NCAM1: variants seen among roughly 807,000 people sequenced by gnomAD.
NCAM1 encodes the protein neural cell adhesion molecule 1, also known as antigen recognized by monoclonal antibody 5.1H11.
In NCAM1, 14 loss-of-function variants were observed where a neutral mutation model predicts 109.8. The observed-to-expected ratio is 0.13, with a 90% confidence interval of 0.08 to 0.20. The LOEUF (loss-of-function observed/expected upper bound fraction) is 0.20. NCAM1 is among the 10% of genes least tolerant of loss of function. The probability of loss-of-function intolerance (pLI) is 1.00; values close to 1 mark genes in which losing one functional copy is unlikely to be tolerated. For synonymous variants in NCAM1, 418 were observed against 442.9 expected (o/e 0.94, Z 0.70); for missense variants, 774 against 1,109.9 (o/e 0.70, Z 4.30).
chr11:112,973,270 A>G (rs1293917202), intron 1 of NCAM1, among the ~76,000 whole-genome samples: 1 of 152,086 alleles, frequency 6.6e-6, no homozygotes, highest in African/African-American at 2.4e-5. Context: ...TTGAGTGTCC[A>G]TTCTGTTCAC....
In NCAM1 at chr11:113,276,122, C is replaced by T. The variant is rs1555126571; in HGVS notation, c.*735C>T. The T allele has an allele frequency of 6.6e-6, 1 of 152,544 alleles. No homozygotes were observed. Among genetic ancestry groups the T allele is most frequent in the East Asian group, 1.9e-4 (1 of 5,198 alleles). The allele number at this position is 152,544 out of a possible 1,614,324, so 9.4% of individuals were successfully genotyped here. On this transcript the variant is annotated 3_prime_UTR_variant, in exon 20 of 20. Coordinates refer to ENST00000316851, the MANE Select transcript of NCAM1 (RefSeq NM_181351.5). The stretch of plus-strand genomic sequence containing the variant: ...TTGTTTTCCAGTGTTTACAAGGTGA[C>T]AAATGTTTGACTTTGGTTGTGTTTA...
intron 1 of NCAM1, among the ~76,000 whole-genome samples, chr11:113,016,145 A>G (rs1952200568): frequency 6.6e-6 from 1 of 152,230 alleles, no homozygotes; most frequent in African/African-American, 2.4e-5. Flanking sequence ...TAGGAGGTTG[A>G]GTTCATGCAA....
intron 1 of NCAM1, among the ~76,000 whole-genome samples, chr11:113,097,465 T>G (rs1362693684): frequency 5.3e-5 from 8 of 151,724 alleles, no homozygotes; most frequent in Non-Finnish European, 1.0e-4. Flanking sequence ...TCATCTAACA[T>G]AGAGAGCTAT....
intron 1 of NCAM1, among the ~76,000 whole-genome samples, chr11:113,016,247 C>T (rs1375181950): frequency 6.6e-6 from 1 of 152,120 alleles, no homozygotes; most frequent in African/African-American, 2.4e-5. Context: ...CTCATGGCAG[C>T]CTTTTAGGAC....
chr11:113,232,739 G>T lies in NCAM1; in HGVS notation c.1447G>T (p.Asp483Tyr). The T allele has an allele frequency of 6.2e-7, 1 of 1,613,888 alleles. No individual in the cohort carries two copies. The highest frequency in any genetic ancestry group is 8.5e-7 in the Non-Finnish European group (1 of 1,179,780). The part of the protein sequence containing the change: ...YLEVTPDSEN[D>Y]FGNYNCTAVN... ...AAAGGTGACCCCAGACTCTGAGAAT[G>T]ATTTTGGGAACTACAACTGTACTGC... The change falls in exon 12 of 20, where the codon GAT becomes TAT. Residue 483 changes from aspartate (D) to tyrosine (Y), a missense_variant. Asp to Tyr is a radical substitution (Grantham distance 160). Around this residue, in one of 4 missense-constraint regions of NCAM1, gnomAD observed 523 missense variants for 784.2 expected, o/e 0.67. Coordinates refer to ENST00000316851, the MANE Select transcript of NCAM1 (RefSeq NM_181351.5).
intron 1 of NCAM1, among the ~76,000 whole-genome samples, chr11:112,966,718 T>A (rs1371005570): frequency 2.6e-5 from 4 of 152,266 alleles, no homozygotes; most frequent in Non-Finnish European, 5.9e-5. Flanking sequence ...CAGCTGCAGA[T>A]GCTCATTAGG....
intron 1 of NCAM1, among the ~76,000 whole-genome samples, chr11:113,174,215 T>C (rs527580469): frequency 6.6e-6 from 1 of 152,296 alleles, no homozygotes; most frequent in South Asian, 2.1e-4. Flanking sequence ...AAGACCCACA[T>C]AGGACTTAGT....
At chr11:113,191,879 A>G (rs1321049577) in intron 1 of NCAM1, among the ~76,000 whole-genome samples, 2 of 152,168 alleles carry the variant, frequency 1.3e-5, no homozygotes, top group Non-Finnish European at 2.9e-5. Flanking sequence ...AAGCCTTTGT[A>G]TCTTCAATAG....
At chr11:113,075,843 G>T (rs775074241) in intron 1 of NCAM1, among the ~76,000 whole-genome samples, 2 of 152,220 alleles carry the variant, frequency 1.3e-5, no homozygotes, top group Non-Finnish European at 2.9e-5. Context: ...AATCACTAAT[G>T]AAACAATGTC....
chr11:113,044,576 T>C (rs1459875279), intron 1 of NCAM1, among the ~76,000 whole-genome samples: 1 of 151,892 alleles, frequency 6.6e-6, no homozygotes, highest in Non-Finnish European at 1.5e-5. Flanking sequence ...TCCCAGGTAC[T>C]TGGGAGGCTG....
At position 113,092,496 on chromosome 11, in the gene NCAM1, T is replaced by C. The variant is rs377221942; in HGVS notation, c.53-109883T>C. Among the ~76,000 whole-genome samples the C allele has an allele frequency of 1.9e-3, 295 of 152,146 alleles. 4 individuals carry two copies. The South Asian group carries it at 0.059, about 31-fold the overall frequency. Reference sequence around the variant, plus strand: ...GTGGGGAAACTGAGTCACAGGGAGGTTAAATTATTTGCCCCTAGTTACACA... The same window carrying C: ...GTGGGGAAACTGAGTCACAGGGAGGCTAAATTATTTGCCCCTAGTTACACA... On this transcript the variant is annotated intron_variant, in intron 1 of 19. Coordinates refer to ENST00000316851, the MANE Select transcript of NCAM1 (RefSeq NM_181351.5).
At chr11:113,162,190 CA>C (rs1555104515) in intron 1 of NCAM1, among the ~76,000 whole-genome samples, 2 of 152,096 alleles carry the variant, frequency 1.3e-5, no homozygotes, top group African/African-American at 4.8e-5. Context: ...GGAACAAGGC[CA>C]GGGGCCTACT....
At chr11:113,163,141 C>T (rs1942659688) in intron 1 of NCAM1, among the ~76,000 whole-genome samples, 1 of 152,180 alleles carries the variant, frequency 6.6e-6, no homozygotes, top group Admixed American at 6.5e-5. Flanking sequence ...ACTCTGCTGA[C>T]CTCCTTCTGC....
chr11:113,035,288 T>C (rs1555078995), intron 1 of NCAM1, among the ~76,000 whole-genome samples: 1 of 152,210 alleles, frequency 6.6e-6, no homozygotes, highest in Non-Finnish European at 1.5e-5. Context: ...TTCAAGTTTA[T>C]ATGGACAACA....
chr11:113,074,285 T>G (rs535273974), intron 1 of NCAM1, among the ~76,000 whole-genome samples: 4 of 152,162 alleles, frequency 2.6e-5, no homozygotes, highest in Non-Finnish European at 5.9e-5. Flanking sequence ...GACAAGATAT[T>G]TTAACATGCA....
intron 1 of NCAM1, among the ~76,000 whole-genome samples, chr11:112,975,864 C>A (rs1555067618): frequency 6.6e-6 from 1 of 151,842 alleles, no homozygotes; most frequent in African/African-American, 2.4e-5. Context: ...TCCTTTATAG[C>A]CAAGTTAGAC....
chr11:112,963,880 T>C lies in NCAM1; in HGVS notation c.52+2216T>C, dbSNP rs893435380. 1.3e-5 allele frequency among the ~76,000 whole-genome samples: 2 copies of C among 152,148 alleles called. No individual in the cohort carries two copies. Among genetic ancestry groups the C allele is most frequent in the Non-Finnish European group, 1.5e-5 (1 of 68,026 alleles). On this transcript the variant is annotated intron_variant, in intron 1 of 19. Transcript: ENST00000316851. The surrounding 1 kb of genome is among the most constrained non-coding windows in gnomAD (Gnocchi z 4.6). Reference sequence around the variant, plus strand: ...GGGAGGCATTCTAACCAGTGTTCCCTGGAATGAAAGCGACCTCTTTCCTGG... The same window carrying C: ...GGGAGGCATTCTAACCAGTGTTCCCCGGAATGAAAGCGACCTCTTTCCTGG...
chr11:112,984,836 C>A (rs1179547662), intron 1 of NCAM1, among the ~76,000 whole-genome samples: 1 of 151,716 alleles, frequency 6.6e-6, no homozygotes. Context: ...ATATTTTCTC[C>A]CAACCCATAG....
intron 1 of NCAM1, among the ~76,000 whole-genome samples, chr11:113,085,211 C>T (rs1473715279): frequency 6.6e-6 from 1 of 152,200 alleles, no homozygotes; most frequent in Non-Finnish European, 1.5e-5. Context: ...GTTGGCCTGT[C>T]TGCAAACAGC....
Sources: gnomAD v4.1 joint callset for allele counts (sites outside exome capture counted in the v4.1 genomes callset) on GRCh38, gnomAD v4.1.1 for gene constraint, gnomAD v4.1.1 regional missense constraint, Gnocchi (gnomAD v3.1) non-coding constraint, MANE v1.5 for transcripts, NCBI Gene and HGNC (gene_info 2026-07-23, HGNC 2026-07-21) for gene names.